The following TLL1 variants were observed in gnomAD, a reference collection of about 807,000 sequenced individuals.
TLL1 encodes tolloid-like protein 1.
In TLL1, 49 loss-of-function variants were observed where a neutral mutation model predicts 128.2. The ratio of observed to expected loss-of-function variants is 0.38; its 90% confidence interval spans 0.30 to 0.48. TLL1 has a LOEUF of 0.48. Among genes scored for constraint, TLL1 ranks in the 20% least tolerant of loss-of-function variants. The pLI is 0.96. For missense variants in TLL1, 1,123 were observed against 1,242.0 expected (o/e 0.90, Z 1.44); for synonymous variants, 454 against 418.8 (o/e 1.08, Z -1.03).
chr4:165,907,107 CA>C (rs1579469598), intron 1 of TLL1, among the ~76,000 whole-genome samples: 1 of 152,078 alleles, frequency 6.6e-6, no homozygotes, highest in Non-Finnish European at 1.5e-5. Flanking sequence ...TCAATGGTCT[CA>C]AAAAAGTTTA....
intron 5 of TLL1, among the ~76,000 whole-genome samples, chr4:165,998,524 T>C (rs1736991726): frequency 6.6e-6 from 1 of 152,130 alleles, no homozygotes. Context: ...CCGGACGCGG[T>C]GGCTCATGCC....
chr4:165,988,026 C>A (rs959303911), intron 1 of TLL1, among the ~76,000 whole-genome samples: 1 of 151,924 alleles, frequency 6.6e-6, no homozygotes, highest in African/African-American at 2.4e-5. Context: ...AAACAAATAT[C>A]CCTGTATTTC....
intron 16 of TLL1, among the ~76,000 whole-genome samples, chr4:166,072,271 ACT>A (rs1456121892): frequency 6.6e-6 from 1 of 151,978 alleles, no homozygotes; most frequent in Non-Finnish European, 1.5e-5. Flanking sequence ...AAGGCAGGAA[ACT>A]CTGATAAGTT....
intron 18 of TLL1, among the ~76,000 whole-genome samples, chr4:166,089,134 T>G (rs1741649159): frequency 6.6e-6 from 1 of 152,168 alleles, no homozygotes; most frequent in African/African-American, 2.4e-5. Flanking sequence ...TTGCTCAACA[T>G]GCAGTGGTTT....
intron 16 of TLL1, among the ~76,000 whole-genome samples, chr4:166,066,875 A>G (rs909961150): frequency 2.6e-5 from 4 of 151,796 alleles, no homozygotes; most frequent in Admixed American, 1.3e-4. Flanking sequence ...TATGTTATTC[A>G]AAGTATAGTT....
At chr4:165,951,240 G>A (rs1268157464) in intron 1 of TLL1, among the ~76,000 whole-genome samples, 4 of 152,066 alleles carry the variant, frequency 2.6e-5, no homozygotes, top group Admixed American at 2.6e-4. Flanking sequence ...TAAATAAATT[G>A]AATTACTGTT....
intron 16 of TLL1, among the ~76,000 whole-genome samples, chr4:166,072,243 A>G (rs1740826517): frequency 6.6e-6 from 1 of 152,008 alleles, no homozygotes. Flanking sequence ...AAATTATGCT[A>G]TATCAGATGT....
At chr4:165,888,382 C>T (rs917118923) in intron 1 of TLL1, among the ~76,000 whole-genome samples, 1 of 152,026 alleles carries the variant, frequency 6.6e-6, no homozygotes, top group Admixed American at 6.6e-5. Context: ...ATTAACCTAC[C>T]TTGCATTCCT....
intron 1 of TLL1, among the ~76,000 whole-genome samples, chr4:165,947,437 A>G (rs1185041615): frequency 6.6e-6 from 1 of 152,088 alleles, no homozygotes; most frequent in Non-Finnish European, 1.5e-5. Flanking sequence ...GCTTATAGAA[A>G]TATGTGAGAG....
chr4:165,918,114 A>C (rs17047075), intron 1 of TLL1, among the ~76,000 whole-genome samples: 11,291 of 152,270 alleles, frequency 0.074, 895 homozygotes, highest in African/African-American at 0.19. Context: ...TATAGTAAGT[A>C]ATGTACATGT....
chr4:165,919,725 T>A lies in TLL1; in HGVS notation c.169+45652T>A, dbSNP rs1732958446. On this transcript the variant is annotated intron_variant, in intron 1 of 20. Coordinates refer to ENST00000061240, the MANE Select transcript of TLL1 (RefSeq NM_012464.5). ...CATTTCTTGCTGTGGCGGGATAATG[T>A]TGTAGTCTGAAATGGCATGTGGCCA... 4 of 438,748 alleles carry A rather than the reference T, an allele frequency of 9.1e-6. 1 individual carries two copies. The Middle Eastern group carries it at 1.0e-3, about 113-fold the overall frequency. The allele number at this position is 438,748 out of a possible 1,614,324, so 27.2% of individuals were successfully genotyped here. A position where few individuals can be genotyped will look rare whatever the true frequency, so the allele number is the denominator to read the frequency against.
intron 15 of TLL1, among the ~76,000 whole-genome samples, chr4:166,065,069 C>A (rs1740508752): frequency 6.6e-6 from 1 of 152,040 alleles, no homozygotes; most frequent in African/African-American, 2.4e-5. Flanking sequence ...TTAGCTTCTT[C>A]CATTTTAGTG....
intron 1 of TLL1, among the ~76,000 whole-genome samples, chr4:165,960,878 G>C (rs1735066732): frequency 1.3e-5 from 2 of 151,956 alleles, no homozygotes; most frequent in Admixed American, 6.6e-5. Flanking sequence ...TACTGAACAG[G>C]AATACTGGAA....
chr4:166,078,089 A>G, intron 18 of TLL1, 59 bp downstream of exon 18: 1 of 1,607,302 alleles, frequency 6.2e-7, no homozygotes, highest in Non-Finnish European at 8.5e-7. Context: ...TTTCACTACA[A>G]GCACTTGGAA....
intron 1 of TLL1, among the ~76,000 whole-genome samples, chr4:165,878,244 A>T (rs1730808142): frequency 6.6e-6 from 1 of 152,100 alleles, no homozygotes; most frequent in Non-Finnish European, 1.5e-5. Context: ...TAGATATGCA[A>T]ACATTTATTT....
intron 14 of TLL1, 54 bp downstream of exon 14, chr4:166,057,363 T>C (rs199500333): frequency 5.6e-6 from 9 of 1,601,840 alleles, no homozygotes; most frequent in African/African-American, 1.4e-5. Context: ...TTATTTCTTA[T>C]ATTCTCATTC....
chr4:165,895,520 C>T (rs960376841), intron 1 of TLL1, among the ~76,000 whole-genome samples: 5 of 149,926 alleles, frequency 3.3e-5, no homozygotes, highest in African/African-American at 2.5e-5. Context: ...TGGGAAGATA[C>T]ACTTTGTTCA....
intron 19 of TLL1, among the ~76,000 whole-genome samples, chr4:166,092,227 T>C (rs1181210569): frequency 1.3e-5 from 2 of 152,106 alleles, no homozygotes; most frequent in Non-Finnish European, 2.9e-5. Context: ...TTTCTGCAGA[T>C]TGTTTTTATT....
chr4:166,022,371 G>A (rs1738284703), intron 8 of TLL1, among the ~76,000 whole-genome samples: 1 of 152,040 alleles, frequency 6.6e-6, no homozygotes, highest in South Asian at 2.1e-4. Context: ...TCACCTGTTG[G>A]CCAGGCTGGT....
Sources: gnomAD v4.1 joint callset for allele counts (sites outside exome capture counted in the v4.1 genomes callset) on GRCh38, gnomAD v4.1.1 for gene constraint, MANE v1.5 for transcripts, NCBI Gene and HGNC (gene_info 2026-07-23, HGNC 2026-07-21) for gene names.